Variants in CHRM3 observed in about 807,000 individuals in gnomAD.
The protein encoded by CHRM3 is muscarinic acetylcholine receptor M3.
CHRM3 carries 11 observed loss-of-function variants against 41.8 expected under a neutral mutation model. The observed-to-expected ratio is 0.26, with a 90% CI of 0.17 to 0.44. The LOEUF (loss-of-function observed/expected upper bound fraction) is 0.44, where lower values mean the gene tolerates loss of function less well. CHRM3 is among the 20% of genes least tolerant of loss of function. The pLI, the probability that CHRM3 is intolerant of heterozygous loss-of-function variation, is 1.00. For synonymous variants in CHRM3, 297 were observed against 301.4 expected (o/e 0.99, Z 0.15); for missense variants, 571 against 745.4 (o/e 0.77, Z 2.72).
intron 5 of CHRM3, among the ~76,000 whole-genome samples, chr1:239,793,281 T>C (rs1231100540): frequency 6.6e-6 from 1 of 152,228 alleles, no homozygotes; most frequent in Non-Finnish European, 1.5e-5. Flanking sequence ...AGTGACAATT[T>C]AGTGTGCTGC....
intron 2 of CHRM3, among the ~76,000 whole-genome samples, chr1:239,540,223 A>C (rs1400480015): frequency 6.6e-6 from 1 of 152,238 alleles, no homozygotes; most frequent in Non-Finnish European, 1.5e-5. Context: ...TGTGTTGACT[A>C]CTTTATCTTA....
At chr1:239,790,202 C>A (rs1447914128) in intron 5 of CHRM3, among the ~76,000 whole-genome samples, 1 of 152,100 alleles carries the variant, frequency 6.6e-6, no homozygotes, top group African/African-American at 2.4e-5. Context: ...CGGGTTAATG[C>A]AGAAATGAGC....
intron 5 of CHRM3, among the ~76,000 whole-genome samples, chr1:239,809,923 A>G (rs1451144562): frequency 1.3e-5 from 2 of 152,216 alleles, no homozygotes; most frequent in African/African-American, 2.4e-5. Context: ...AGAGGGATTC[A>G]GTAAAGATGA....
chr1:239,666,749 G>GT (rs1295114085), intron 4 of CHRM3, among the ~76,000 whole-genome samples: 3 of 152,104 alleles, frequency 2.0e-5, no homozygotes, highest in Admixed American at 1.3e-4. Context: ...GGAGGCTGAG[G>GT]TTTGGGGTAT....
intron 5 of CHRM3, among the ~76,000 whole-genome samples, chr1:239,683,558 C>A (rs1438744611): frequency 6.6e-6 from 1 of 151,988 alleles, no homozygotes; most frequent in Non-Finnish European, 1.5e-5. Context: ...TTTTTTCTGC[C>A]ATATTAAGGA....
At chr1:239,452,654 G>A (rs1457277030) in intron 1 of CHRM3, among the ~76,000 whole-genome samples, 1 of 152,192 alleles carries the variant, frequency 6.6e-6, no homozygotes, top group Non-Finnish European at 1.5e-5. Context: ...CCCAAAGGGA[G>A]TATAAATTGT....
At chr1:239,814,850 T>G (rs952227749) in intron 5 of CHRM3, among the ~76,000 whole-genome samples, 1 of 152,196 alleles carries the variant, frequency 6.6e-6, no homozygotes, top group Non-Finnish European at 1.5e-5. Flanking sequence ...TGATGCAGTC[T>G]CGGCTCACGG....
At chr1:239,754,853 G>T (rs1666114119) in intron 5 of CHRM3, among the ~76,000 whole-genome samples, 2 of 152,124 alleles carry the variant, frequency 1.3e-5, no homozygotes, top group Admixed American at 1.3e-4. Context: ...GCTAAAGGAG[G>T]CACAGGGTAG....
intron 3 of CHRM3, among the ~76,000 whole-genome samples, chr1:239,598,565 C>A (rs996468568): frequency 6.6e-6 from 1 of 152,056 alleles, no homozygotes; most frequent in African/African-American, 2.4e-5. Context: ...AAGTTCCCAA[C>A]TAAGAATAAG....
intron 3 of CHRM3, among the ~76,000 whole-genome samples, chr1:239,617,427 G>C (rs1667754734): frequency 6.6e-6 from 1 of 152,102 alleles, no homozygotes; most frequent in Non-Finnish European, 1.5e-5. Context: ...TACAGTACCA[G>C]CAAGGGTGAA....
chr1:239,781,663 A>G (rs886484297), intron 5 of CHRM3, among the ~76,000 whole-genome samples: 4 of 152,134 alleles, frequency 2.6e-5, no homozygotes, highest in African/African-American at 9.7e-5. Flanking sequence ...GTTGAAAAGC[A>G]GTGGTGAGCG....
chr1:239,764,277 T>TGG (rs1468351103), intron 5 of CHRM3, among the ~76,000 whole-genome samples: 1 of 152,084 alleles, frequency 6.6e-6, no homozygotes, highest in Non-Finnish European at 1.5e-5. Flanking sequence ...TCCTTGGAAG[T>TGG]GGATGTTGAA....
At chr1:239,792,836 C>T (rs761867879) in intron 5 of CHRM3, among the ~76,000 whole-genome samples, 2 of 152,194 alleles carry the variant, frequency 1.3e-5, no homozygotes, top group African/African-American at 2.4e-5. Flanking sequence ...CAATAAATTA[C>T]GACATGCCTG....
intron 3 of CHRM3, among the ~76,000 whole-genome samples, chr1:239,585,105 A>G (rs1390291370): frequency 6.6e-6 from 1 of 151,238 alleles, no homozygotes; most frequent in Non-Finnish European, 1.5e-5. Flanking sequence ...ACATATATAC[A>G]CATGTATACA....
At chr1:239,458,083 A>G (rs1231143152) in intron 1 of CHRM3, among the ~76,000 whole-genome samples, 1 of 152,166 alleles carries the variant, frequency 6.6e-6, no homozygotes, top group East Asian at 1.9e-4. Context: ...AAAAAGTGTT[A>G]TCAAGAAGCT....
chr1:239,419,200 G>C (rs1661736154), intron 1 of CHRM3, among the ~76,000 whole-genome samples: 1 of 152,108 alleles, frequency 6.6e-6, no homozygotes, highest in South Asian at 2.1e-4. Context: ...TCTTTGTGAA[G>C]GCAGAAACAT....
At chr1:239,513,851 G>A (rs1484177139) in intron 2 of CHRM3, among the ~76,000 whole-genome samples, 1 of 151,698 alleles carries the variant, frequency 6.6e-6, no homozygotes, top group African/African-American at 2.4e-5. Context: ...TTTTGCATGT[G>A]GATGTCTGGT....
At chr1:239,441,084 C>T (rs976206502) in intron 1 of CHRM3, among the ~76,000 whole-genome samples, 2 of 152,092 alleles carry the variant, frequency 1.3e-5, no homozygotes, top group Admixed American at 6.5e-5. Flanking sequence ...GGAGTCTCCT[C>T]ATAGTGATTA....
chr1:239,415,317 G>A (rs1375545681), intron 1 of CHRM3, among the ~76,000 whole-genome samples: 2 of 152,116 alleles, frequency 1.3e-5, no homozygotes, highest in Non-Finnish European at 2.9e-5. Flanking sequence ...GCACGTGCCT[G>A]TAATCTCAGC....
Sources: allele counts gnomAD v4.1 joint callset (sites outside exome capture counted in the v4.1 genomes callset), GRCh38; gene constraint gnomAD v4.1.1; transcripts MANE v1.5; gene names NCBI Gene and HGNC (gene_info 2026-07-23, HGNC 2026-07-21).